RANBP2: variants seen among roughly 807,000 people sequenced by gnomAD.
The protein encoded by RANBP2 is RAN binding protein 2, also known as E3 SUMO-protein ligase RanBP2.
Under a neutral mutation model 303.6 loss-of-function variants are expected in RANBP2, and 57 were observed. That is an observed-to-expected ratio of 0.19 (90% CI 0.15 to 0.23). The LOEUF (loss-of-function observed/expected upper bound fraction) is 0.23. Ranked by LOEUF, RANBP2 falls within the 10% of genes least tolerant of loss-of-function variation. The pLI is 1.00. For missense variants in RANBP2, 3,138 were observed against 3,780.8 expected (o/e 0.83, Z 4.46); for synonymous variants, 1,167 against 1,301.5 (o/e 0.90, Z 2.23).
At chr2:108,738,884 C>T (rs902997773) in intron 6 of RANBP2, among the ~76,000 whole-genome samples, 3 of 151,666 alleles carry the variant, frequency 2.0e-5, no homozygotes, top group Admixed American at 2.0e-4. Context: ...CCCGCCTTGG[C>T]CTCCCAAAGA....
the RANBP2 span, among the ~76,000 whole-genome samples, chr2:109,250,384 A>G: frequency 5.6e-3 from 860 of 152,238 alleles, 7 homozygotes; most frequent in African/African-American, 0.019. Context: ...GAGCTTAGCA[A>G]TGTAAGCTTG....
At chr2:108,775,272 A>G (rs1677801063) in intron 23 of RANBP2, among the ~76,000 whole-genome samples, 1 of 151,882 alleles carries the variant, frequency 6.6e-6, no homozygotes, top group Non-Finnish European at 1.5e-5. Flanking sequence ...TAATTCCTTT[A>G]TGGTTTATGA....
the RANBP2 span, among the ~76,000 whole-genome samples, chr2:109,264,811 C>T: frequency 1.2e-3 from 180 of 152,336 alleles, 1 homozygote; most frequent in African/African-American, 4.1e-3. Context: ...CCGTGCATGC[C>T]GCACCCTCCT....
the RANBP2 span, among the ~76,000 whole-genome samples, chr2:109,716,224 ATTTAC>A: frequency 6.6e-6 from 1 of 151,744 alleles, no homozygotes; most frequent in Non-Finnish European, 1.5e-5. Context: ...TTTTAATTTT[ATTTAC>A]TTATTATTTT....
At chr2:109,437,060 A>T in the RANBP2 span, 1 of 1,613,248 alleles carries the variant, frequency 6.2e-7, no homozygotes, top group Non-Finnish European at 8.5e-7. Flanking sequence ...CACGCCCAGC[A>T]CCCCACAGCC....
At chr2:109,620,145 A>C in the RANBP2 span, among the ~76,000 whole-genome samples, 1 of 152,248 alleles carries the variant, frequency 6.6e-6, no homozygotes, top group East Asian at 1.9e-4. Context: ...AGTGCCTGGC[A>C]TGTTGAAGGT....
chr2:109,424,408 A>T, the RANBP2 span, among the ~76,000 whole-genome samples: 1 of 152,238 alleles, frequency 6.6e-6, no homozygotes, highest in Non-Finnish European at 1.5e-5. Context: ...CTTCAGCCTC[A>T]GAATGCAGCA....
At chr2:108,821,867 C>A in the RANBP2 span, among the ~76,000 whole-genome samples, 1 of 151,174 alleles carries the variant, frequency 6.6e-6, no homozygotes, top group Non-Finnish European at 1.5e-5. Flanking sequence ...ATTGCTTGAA[C>A]CCAGGAGGTG....
At chr2:108,879,535 A>G in the RANBP2 span, among the ~76,000 whole-genome samples, 1 of 152,110 alleles carries the variant, frequency 6.6e-6, no homozygotes, top group Non-Finnish European at 1.5e-5. Flanking sequence ...TGACAGAAAC[A>G]TTAATCCATG....
chr2:109,431,403 A>G, the RANBP2 span, among the ~76,000 whole-genome samples: 3 of 152,168 alleles, frequency 2.0e-5, no homozygotes, highest in African/African-American at 7.2e-5. Flanking sequence ...TTCAAAACCA[A>G]CCTTCCCCAA....
At chr2:109,396,037 G>A in the RANBP2 span, among the ~76,000 whole-genome samples, 3 of 152,222 alleles carry the variant, frequency 2.0e-5, no homozygotes, top group South Asian at 2.1e-4. Context: ...GTGCAGGCGC[G>A]TGGCAGGTGT....
chr2:109,213,615 G>A, the RANBP2 span, among the ~76,000 whole-genome samples: 2 of 152,198 alleles, frequency 1.3e-5, no homozygotes, highest in African/African-American at 4.8e-5. Context: ...AACACAGCAG[G>A]CACCTTTGAG....
the RANBP2 span, among the ~76,000 whole-genome samples, chr2:109,254,541 A>G: frequency 6.6e-6 from 1 of 152,228 alleles, no homozygotes; most frequent in Non-Finnish European, 1.5e-5. Context: ...GGGTCTGGCA[A>G]TACAACATTG....
the RANBP2 span, among the ~76,000 whole-genome samples, chr2:109,257,250 C>T: frequency 6.6e-6 from 1 of 151,952 alleles, no homozygotes; most frequent in African/African-American, 2.4e-5. Flanking sequence ...TCATGTTGTT[C>T]GTTCTGTGGC....
At chr2:109,400,711 C>T in the RANBP2 span, among the ~76,000 whole-genome samples, 1 of 152,216 alleles carries the variant, frequency 6.6e-6, no homozygotes, top group African/African-American at 2.4e-5. Flanking sequence ...CATATGTGTG[C>T]ACACACACAA....
the RANBP2 span, among the ~76,000 whole-genome samples, chr2:109,084,837 C>T: frequency 6.6e-6 from 1 of 152,182 alleles, no homozygotes; most frequent in East Asian, 1.9e-4. Flanking sequence ...GCATGAACTT[C>T]AAATAGTGGA....
At chr2:109,199,612 T>TCAACCCGAGTGCAG in the RANBP2 span, among the ~76,000 whole-genome samples, 1 of 336 alleles carries the variant, frequency 3.0e-3, no homozygotes, top group African/African-American at 8.8e-3. Context: ...TGGAATGGAA[T>TCAACCCGAGTGCAG]GGAATGGAAT....
At chr2:109,576,222 C>A in the RANBP2 span, among the ~76,000 whole-genome samples, 217 of 152,270 alleles carry the variant, frequency 1.4e-3, no homozygotes, top group African/African-American at 4.7e-3. Flanking sequence ...GATTGTGCCA[C>A]TGCACACCAG....
At chr2:108,843,514 C>T in the RANBP2 span, among the ~76,000 whole-genome samples, 3 of 152,176 alleles carry the variant, frequency 2.0e-5, no homozygotes, top group Non-Finnish European at 4.4e-5. Flanking sequence ...ATTTTGATTT[C>T]CTTTCAATTA....
Sources: gnomAD v4.1 joint callset for allele counts (sites outside exome capture counted in the v4.1 genomes callset) on GRCh38, gnomAD v4.1.1 for gene constraint, MANE v1.5 for transcripts, NCBI Gene and HGNC (gene_info 2026-07-23, HGNC 2026-07-21) for gene names.